IARS1: variants seen among roughly 807,000 people sequenced by gnomAD.
IARS1 encodes the protein isoleucine--tRNA ligase, cytoplasmic.
Under a neutral mutation model 168.2 loss-of-function variants are expected in IARS1, and 124 were observed. That is an observed-to-expected ratio of 0.74 (90% CI 0.64 to 0.86). The LOEUF (loss-of-function observed/expected upper bound fraction) is 0.86. IARS1 is among the 40% of genes least tolerant of loss of function. The probability of loss-of-function intolerance (pLI) is 0.00; values close to 1 mark genes in which losing one functional copy is unlikely to be tolerated. For synonymous variants in IARS1, 532 were observed against 529.4 expected (o/e 1.00, Z -0.07); for missense variants, 1,452 against 1,515.8 (o/e 0.96, Z 0.70).
Position 92,243,218 on chromosome 9 carries a change from T to G in IARS1, c.2998A>C (p.Lys1000Gln). The change falls in exon 28 of 34, where the codon AAG becomes CAG. Residue 1000 changes from lysine (K) to glutamine (Q), a missense_variant and splice_region_variant. Transcript: ENST00000443024. ...VINRIQKLRK[K>Q]CNLVPTDEIT... ...TTATTCTTAACTGACAAACTAACCT[T>G]TTTGCGAAGTTTCTGTATGCGATTG... is the stretch of plus-strand genomic sequence containing the variant. 1 of 1,612,392 alleles carries G rather than the reference T, an allele frequency of 6.2e-7. No individual in the cohort carries two copies. Among genetic ancestry groups the G allele is most frequent in the Non-Finnish European group, 8.5e-7 (1 of 1,178,574 alleles).
intron 32 of IARS1, among the ~76,000 whole-genome samples, chr9:92,222,906 T>C (rs1281312831): frequency 6.6e-6 from 1 of 150,722 alleles, no homozygotes. Context: ...CCCAGCAGCT[T>C]GGGGAGCAGA....
chr9:92,223,609 T>C, intron 31 of IARS1, 120 bp from the exon 32 acceptor site: 1 of 793,850 alleles, frequency 1.3e-6, no homozygotes, highest in Admixed American at 2.8e-5. Context: ...ACTTAATTTC[T>C]GTTTATCAAG....
In IARS1 at chr9:92,229,006, T is replaced by C; in HGVS notation, c.3404A>G (p.Glu1135Gly). ...TCCTCTCACTTTCCACATACCTGTT[T>C]CATCATGGAAGACAGCCAGCTCTGT... ...KNTELAVFHD[E>G]TEIQNQTDLL... Residue 1135 changes from glutamate to glycine, a missense_variant, in exon 31 of 34, where the codon GAA becomes GGA. Glu to Gly is a moderately conservative substitution (Grantham distance 98). Coordinates refer to ENST00000443024, the MANE Select transcript of IARS1 (RefSeq NM_002161.6). 1.9e-6 allele frequency: 3 copies of C among 1,614,100 alleles called. No homozygotes were observed. Among genetic ancestry groups the C allele is most frequent in the Non-Finnish European group, 8.5e-7 (1 of 1,180,022 alleles).
At chr9:92,218,717 A>G (rs2133366040) in intron 33 of IARS1, among the ~76,000 whole-genome samples, 1 of 123,758 alleles carries the variant, frequency 8.1e-6, no homozygotes, top group Non-Finnish European at 1.6e-5. Flanking sequence ...CTTACAAGGG[A>G]TGTGAAGGAC....
chr9:92,265,259 G>T (rs1587837861), intron 15 of IARS1, 136 bp from the exon 16 acceptor site: 1 of 860,508 alleles, frequency 1.2e-6, no homozygotes, highest in East Asian at 2.7e-5. Context: ...AATTCTCAAA[G>T]GCTTTCAGAG....
intron 31 of IARS1, 98 bp from the exon 32 acceptor site, chr9:92,223,587 A>G (rs762159079): frequency 1.1e-6 from 1 of 952,240 alleles, no homozygotes; most frequent in East Asian, 2.5e-5. Context: ...TCTTTTTACG[A>G]TAATGCTTTC....
In IARS1 at chr9:92,239,770, T is replaced by C. The variant is rs557312144; in HGVS notation, c.3283+1086A>G. ...CCTACTTTGTCTTCTCTGATACCCC[T>C]GTGACAGGGGAGGGGTCTTCAGCTT... On this transcript the variant is annotated intron_variant, in intron 30 of 33. Coordinates refer to ENST00000443024, the MANE Select transcript of IARS1 (RefSeq NM_002161.6). Among the ~76,000 whole-genome samples the C allele has an allele frequency of 4.5e-3, 690 of 152,218 alleles. 3 individuals are homozygous for C. Among genetic ancestry groups the C allele is most frequent in the Middle Eastern group, 6.8e-3 (2 of 294 alleles).
chr9:92,252,601 T>C (rs1433960293), intron 21 of IARS1, among the ~76,000 whole-genome samples: 1 of 151,664 alleles, frequency 6.6e-6, no homozygotes, highest in Non-Finnish European at 1.5e-5. Flanking sequence ...ACCCTGTCTC[T>C]GCCAAAAATA....
chr9:92,255,559 G>A (rs1456691244), intron 20 of IARS1, among the ~76,000 whole-genome samples: 2 of 152,122 alleles, frequency 1.3e-5, no homozygotes, highest in Non-Finnish European at 2.9e-5. Flanking sequence ...AGAAATAACA[G>A]CAAAATGTCC....
At chr9:92,241,089 A>C in intron 29 of IARS1, 128 bp from the exon 30 acceptor site, 70 of 556,182 alleles carry the variant, frequency 1.3e-4, no homozygotes, top group East Asian at 1.7e-4. Context: ...ATTCAATCTC[A>C]TTACTCAAAG....
intron 33 of IARS1, among the ~76,000 whole-genome samples, chr9:92,214,012 A>G (rs1183165488): frequency 6.6e-6 from 1 of 151,904 alleles, no homozygotes; most frequent in Admixed American, 6.6e-5. Flanking sequence ...CATATTGGCC[A>G]TGCTGGTCTT....
chr9:92,278,510 T>C (rs1834074161), intron 7 of IARS1, among the ~76,000 whole-genome samples: 1 of 152,214 alleles, frequency 6.6e-6, no homozygotes, highest in African/African-American at 2.4e-5. Context: ...GTAGTTATTA[T>C]TTATCGCTCA....
intron 16 of IARS1, 111 bp downstream of exon 16, chr9:92,264,818 T>C: frequency 1.1e-6 from 1 of 943,678 alleles, no homozygotes; most frequent in Admixed American, 2.7e-5. Context: ...GCCTGTCTTA[T>C]TTGCCACAAT....
At chr9:92,221,361 C>G (rs1839643511) in intron 33 of IARS1, among the ~76,000 whole-genome samples, 1 of 152,092 alleles carries the variant, frequency 6.6e-6, no homozygotes, top group Non-Finnish European at 1.5e-5. Context: ...AATACTGACA[C>G]AGAAAGCCCA....
At chr9:92,234,705 T>C (rs891653319) in intron 30 of IARS1, among the ~76,000 whole-genome samples, 17 of 152,184 alleles carry the variant, frequency 1.1e-4, no homozygotes, top group African/African-American at 3.4e-4. Context: ...ATCACTGAAG[T>C]TGCAAAGCAG....
intron 4 of IARS1, 25 bp from the exon 5 acceptor site, chr9:92,286,643 G>A: frequency 8.4e-7 from 1 of 1,186,620 alleles, no homozygotes; most frequent in Non-Finnish European, 1.2e-6. Context: ...TATTAGAACA[G>A]TATTAGACAA....
intron 14 of IARS1, among the ~76,000 whole-genome samples, chr9:92,266,660 C>A (rs945239753): frequency 6.6e-6 from 1 of 152,196 alleles, no homozygotes; most frequent in African/African-American, 2.4e-5. Flanking sequence ...TGCTCTCCTT[C>A]TGCAGTGAGT....
chr9:92,229,358 T>TACACTAC (rs1554724291), intron 30 of IARS1, among the ~76,000 whole-genome samples: 8 of 144,912 alleles, frequency 5.5e-5, no homozygotes, highest in Middle Eastern at 3.5e-3. Flanking sequence ...ATATATACAC[T>TACACTAC]ACACACACAC....
intron 7 of IARS1, among the ~76,000 whole-genome samples, chr9:92,278,863 C>T (rs1036686020): frequency 6.6e-6 from 1 of 152,090 alleles, no homozygotes; most frequent in Non-Finnish European, 1.5e-5. Flanking sequence ...TATAGAGGTA[C>T]GAATTATTTC....
Sources: allele counts gnomAD v4.1 joint callset (sites outside exome capture counted in the v4.1 genomes callset), GRCh38; gene constraint gnomAD v4.1.1; transcripts MANE v1.5; gene names NCBI Gene and HGNC (gene_info 2026-07-23, HGNC 2026-07-21).